KCTD16: variants seen among roughly 807,000 people sequenced by gnomAD.
KCTD16 encodes the protein potassium channel tetramerization domain containing 16, also known as BTB/POZ domain-containing protein KCTD16.
A neutral mutation model predicts 33.2 loss-of-function variants in KCTD16; 13 were observed. The observed-to-expected ratio is 0.39, with a 90% CI of 0.25 to 0.62. The LOEUF (loss-of-function observed/expected upper bound fraction) is 0.62, where lower values mean the gene tolerates loss of function less well. KCTD16 is among the 20% of genes least tolerant of loss of function. The pLI is 0.50. For synonymous variants in KCTD16, 197 were observed against 195.3 expected (o/e 1.01, Z -0.07); for missense variants, 441 against 525.1 (o/e 0.84, Z 1.57).
At chr5:144,244,728 A>G (rs1419403921) in intron 3 of KCTD16, among the ~76,000 whole-genome samples, 5 of 152,082 alleles carry the variant, frequency 3.3e-5, no homozygotes, top group Admixed American at 1.3e-4. Context: ...CTAGTTTCTC[A>G]CTTTCCCTAG....
intron 3 of KCTD16, among the ~76,000 whole-genome samples, chr5:144,435,183 C>T (rs1393106195): frequency 2.6e-5 from 4 of 152,140 alleles, no homozygotes; most frequent in African/African-American, 7.2e-5. Context: ...CTGATAGCCC[C>T]CTTACCCGCT....
At chr5:144,318,638 C>A (rs1025170664) in intron 3 of KCTD16, among the ~76,000 whole-genome samples, 3 of 152,170 alleles carry the variant, frequency 2.0e-5, no homozygotes, top group African/African-American at 7.2e-5. Flanking sequence ...CAGCTTTCGT[C>A]AGGCCATGTA....
At chr5:144,440,690 G>A (rs1439300236) in intron 3 of KCTD16, among the ~76,000 whole-genome samples, 2 of 151,794 alleles carry the variant, frequency 1.3e-5, no homozygotes, top group East Asian at 3.9e-4. Flanking sequence ...AAATCTGACT[G>A]TGGTTTTGAT....
intron 3 of KCTD16, among the ~76,000 whole-genome samples, chr5:144,409,922 G>A (rs1752895129): frequency 6.6e-6 from 1 of 152,136 alleles, no homozygotes; most frequent in Non-Finnish European, 1.5e-5. Flanking sequence ...CCACAGGCAG[G>A]GCATCTAATG....
chr5:144,219,021 A>G (rs555992588), intron 3 of KCTD16, among the ~76,000 whole-genome samples: 69 of 152,278 alleles, frequency 4.5e-4, no homozygotes, highest in African/African-American at 1.6e-3. Flanking sequence ...TAGTTCGGTT[A>G]CTTCCTATCA....
rs145908305 is a variant in KCTD16 at position 144,171,600 on chromosome 5, G to T, written c.-493+591G>T. The stretch of plus-strand genomic sequence containing the variant: ...CCACCACCACCATCACCACCAAGTT[G>T]TGACAGCTAAAAATCTCTCCAGACA... On this transcript the variant is annotated intron_variant, in intron 1 of 3. Coordinates refer to ENST00000512467, the MANE Select transcript of KCTD16 (RefSeq NM_020768.4). Among the ~76,000 whole-genome samples the T allele has an allele frequency of 4.9e-3, 742 of 152,252 alleles. 7 individuals carry two copies. Among genetic ancestry groups the T allele is most frequent in the African/African-American group, 0.017 (690 of 41,554 alleles).
intron 3 of KCTD16, among the ~76,000 whole-genome samples, chr5:144,404,302 T>C (rs1752766380): frequency 6.6e-6 from 1 of 152,122 alleles, no homozygotes; most frequent in Non-Finnish European, 1.5e-5. Context: ...TTTAATACCA[T>C]CCCTTAATAG....
chr5:144,424,649 A>G (rs551284992), intron 3 of KCTD16, among the ~76,000 whole-genome samples: 5 of 152,268 alleles, frequency 3.3e-5, no homozygotes, highest in Admixed American at 3.3e-4. Flanking sequence ...GAAATTCAAG[A>G]GCGTGGCTTT....
chr5:144,299,144 ATATATTTTTTTT>A (rs1425887840), intron 3 of KCTD16, among the ~76,000 whole-genome samples: 8 of 15,856 alleles, frequency 5.0e-4, no homozygotes, highest in African/African-American at 3.1e-3. Context: ...ATATATATAT[ATATATTTTTTTT>A]TTTTTTTTTA....
At chr5:144,415,868 A>G (rs1159269633) in intron 3 of KCTD16, among the ~76,000 whole-genome samples, 1 of 152,194 alleles carries the variant, frequency 6.6e-6, no homozygotes, top group East Asian at 1.9e-4. Flanking sequence ...TATTTAAATA[A>G]GCATCTTAGT....
chr5:144,381,588 T>C (rs1160890191), intron 3 of KCTD16, among the ~76,000 whole-genome samples: 1 of 151,572 alleles, frequency 6.6e-6, no homozygotes, highest in African/African-American at 2.4e-5. Context: ...CAGAAGCAAG[T>C]GAGAAAGAGT....
intron 3 of KCTD16, among the ~76,000 whole-genome samples, chr5:144,327,864 G>C (rs1442406640): frequency 2.6e-5 from 4 of 151,950 alleles, no homozygotes; most frequent in Admixed American, 2.6e-4. Context: ...TTGCTGGTTT[G>C]CAGCTTTCCG....
chr5:144,401,793 T>C (rs1752709931), intron 3 of KCTD16, among the ~76,000 whole-genome samples: 1 of 152,240 alleles, frequency 6.6e-6, no homozygotes, highest in Non-Finnish European at 1.5e-5. Context: ...GGTAAAGTTA[T>C]TGCTTCTCAG....
intron 3 of KCTD16, among the ~76,000 whole-genome samples, chr5:144,402,056 A>G (rs1384918325): frequency 6.6e-6 from 1 of 152,184 alleles, no homozygotes; most frequent in Non-Finnish European, 1.5e-5. Context: ...ATCTTCCAGG[A>G]GCTCAGAAAT....
chr5:144,342,007 C>G (rs971567436), intron 3 of KCTD16, among the ~76,000 whole-genome samples: 26 of 152,140 alleles, frequency 1.7e-4, no homozygotes, highest in African/African-American at 6.0e-4. Context: ...CTGCGAATAT[C>G]TGAAATATGG....
chr5:144,404,452 T>C (rs903568771), intron 3 of KCTD16, among the ~76,000 whole-genome samples: 20 of 152,218 alleles, frequency 1.3e-4, no homozygotes, highest in Admixed American at 1.3e-3. Flanking sequence ...GAGAAAGATG[T>C]ATATGACTTG....
chr5:144,473,824 G>A lies in KCTD16; in HGVS notation c.997G>A (p.Val333Met), dbSNP rs775259127. The A allele has an allele frequency of 1.4e-5, 23 of 1,614,082 alleles. No individual in the cohort carries two copies. Among genetic ancestry groups the A allele is most frequent in the African/African-American group, 5.3e-5 (4 of 75,020 alleles). Residue 333 changes from valine to methionine, a missense_variant, in exon 4 of 4, where the codon GTG becomes ATG. By Grantham distance (21) the Val-to-Met change is conservative (BLOSUM62 1). Transcript: ENST00000512467. ...SPQETVICGPVTRQTNIQTLD... is the reference protein window; with the variant it reads ...SPQETVICGPMTRQTNIQTLD... ...CCAGGAGACGGTCATCTGTGGTCCC[G>A]TGACACGCCAGACCAACATCCAGAC...
chr5:144,480,767 C>T lies in KCTD16; in HGVS notation c.*6653C>T, dbSNP rs902644340. Reference sequence around the variant, plus strand: ...ATCCTACAGTGTACTGGAAAGCCCTCCATAACAAAAAGTTATCCAGCCCAC... The same window carrying T: ...ATCCTACAGTGTACTGGAAAGCCCTTCATAACAAAAAGTTATCCAGCCCAC... On this transcript the variant is annotated 3_prime_UTR_variant, in exon 4 of 4. Coordinates refer to ENST00000512467, the MANE Select transcript of KCTD16 (RefSeq NM_020768.4). The T allele has an allele frequency of 6.6e-6, 1 of 151,882 alleles. No homozygotes were observed. The highest frequency in any genetic ancestry group is 2.4e-5 in the African/African-American group (1 of 41,388). 9.4% of individuals were successfully genotyped at this position (151,882 alleles called of 1,614,324 possible). A position where few individuals can be genotyped will look rare whatever the true frequency, so the allele number is the denominator to read the frequency against.
At position 144,444,840 on chromosome 5, in the gene KCTD16, AAT is replaced by A. The variant is rs531025892; in HGVS notation, c.833-28805_833-28804del. ...TCCATAGTATGCTCTTTCAAAATGT[AAT>A]ATATATATATATATGTGTGTGTGCA... On this transcript the variant is annotated intron_variant, in intron 3 of 3. Coordinates refer to ENST00000512467, the MANE Select transcript of KCTD16 (RefSeq NM_020768.4). Among the ~76,000 whole-genome samples the A allele has an allele frequency of 1.6e-3, 235 of 148,350 alleles. 1 individual carries two copies. The highest frequency in any genetic ancestry group is 4.0e-3 in the African/African-American group (165 of 40,796).
Sources: gnomAD v4.1 joint callset for allele counts (sites outside exome capture counted in the v4.1 genomes callset) on GRCh38, gnomAD v4.1.1 for gene constraint, MANE v1.5 for transcripts, NCBI Gene and HGNC (gene_info 2026-07-23, HGNC 2026-07-21) for gene names.